Variants in RGS4 observed in about 807,000 individuals in gnomAD.
RGS4 encodes the protein schizophrenia disorder 9.
A neutral mutation model predicts 21.6 loss-of-function variants in RGS4; 15 were observed. That is an observed-to-expected ratio of 0.69 (90% CI 0.46 to 1.07). The LOEUF is 1.07. RGS4 is among the 50% of genes least tolerant of loss of function. The probability of loss-of-function intolerance (pLI) is 0.00; values close to 1 mark genes in which losing one functional copy is unlikely to be tolerated. For synonymous variants in RGS4, 94 were observed against 85.5 expected (o/e 1.10, Z -0.55); for missense variants, 237 against 239.0 (o/e 0.99, Z 0.06).
intron 2 of RGS4, 72 bp from the exon 3 acceptor site, chr1:163,072,733 G>T: frequency 7.6e-7 from 1 of 1,319,304 alleles, no homozygotes; most frequent in Non-Finnish European, 1.1e-6. Context: ...CTTCATTCAG[G>T]ATCTTAGATT....
intron 1 of RGS4, chr1:163,071,914 A>T (rs1655328853): frequency 1.1e-6 from 1 of 935,944 alleles, no homozygotes; most frequent in Non-Finnish European, 1.2e-6. Flanking sequence ...TACTTTCCCG[A>T]GGTGCTTCTA....
intron 3 of RGS4, 54 bp downstream of exon 3, chr1:163,072,920 A>G (rs991250820): frequency 2.7e-6 from 4 of 1,457,396 alleles, no homozygotes; most frequent in Non-Finnish European, 3.8e-6. Flanking sequence ...AAGTTATATT[A>G]TGCTGGTCTA....
intron 2 of RGS4, 63 bp from the exon 3 acceptor site, chr1:163,072,742 T>C (rs1473917789): frequency 6.3e-6 from 9 of 1,425,000 alleles, no homozygotes; most frequent in Non-Finnish European, 8.9e-6. Flanking sequence ...GGATCTTAGA[T>C]TTCTTGCCCC....
Position 163,073,638 on chromosome 1 carries a change from A to T in RGS4, c.378+16A>T, listed in dbSNP as rs1655400156. On this transcript the variant is annotated intron_variant, in intron 4 of 4. Coordinates refer to ENST00000367909, the MANE Select transcript of RGS4 (RefSeq NM_005613.6). The stretch of plus-strand genomic sequence containing the variant: ...AACCAAAGAGGTAGGTTTTTTATGG[A>T]TACATAAAAATTGTACGTATTTATG... 6.5e-7 allele frequency: 1 copy of T among 1,537,884 alleles called. No individual in the cohort carries two copies. Among genetic ancestry groups the T allele is most frequent in the Non-Finnish European group, 8.8e-7 (1 of 1,136,688 alleles).
At chr1:163,073,865 CTCTACCCAACTTTCTATCTATTCCT>C (rs1655410381) in intron 4 of RGS4, 1 of 419,550 alleles carries the variant, frequency 2.4e-6, no homozygotes. Context: ...AACCTATTCC[CTCTACCCAACTTTCTATCTATTCCT>C]TCTACCCATT....
upstream of RGS4, chr1:163,069,336 AAG>A (rs1426416659): frequency 6.4e-7 from 1 of 1,552,394 alleles, no homozygotes; most frequent in African/African-American, 1.4e-5. Flanking sequence ...TGGGCTATAA[AAG>A]AGACCCCTAC....
Position 163,074,665 on chromosome 1 carries a change from A to G in RGS4, c.*105A>G, listed in dbSNP as rs915798943. On this transcript the variant is annotated 3_prime_UTR_variant, in exon 5 of 5. Coordinates refer to ENST00000367909, the MANE Select transcript of RGS4 (RefSeq NM_005613.6). The stretch of plus-strand genomic sequence containing the variant: ...AGCTCCAGTGCTTTATCCACATTGT[A>G]GCCTAATATTCATGCTGCCTGCCAT... The G allele has an allele frequency of 6.0e-6, 9 of 1,504,360 alleles. No individual in the cohort carries two copies. The highest frequency in any genetic ancestry group is 1.7e-4 in the Middle Eastern group (1 of 5,892). 93.2% of individuals were successfully genotyped at this position (1,504,360 alleles called of 1,614,324 possible).
intron 1 of RGS4, among the ~76,000 whole-genome samples, chr1:163,070,894 C>G (rs1248094668): frequency 6.6e-6 from 1 of 152,120 alleles, no homozygotes; most frequent in South Asian, 2.1e-4. Flanking sequence ...GCCTGAGGCT[C>G]CAGAGGAGCC....
intron 4 of RGS4, 97 bp from the exon 5 acceptor site, chr1:163,074,224 G>A (rs1655420974): frequency 1.3e-6 from 2 of 1,501,568 alleles, no homozygotes; most frequent in Non-Finnish European, 1.8e-6. Flanking sequence ...CTGAAATACA[G>A]AGGGTGCACT....
upstream of RGS4, chr1:163,068,975 T>C (rs934992295): frequency 3.5e-5 from 56 of 1,607,504 alleles, no homozygotes; most frequent in Non-Finnish European, 4.6e-5. Flanking sequence ...AGGAAAGGCA[T>C]TGGGAGTCAG....
rs189174832 is a variant in RGS4, at chr1:163,074,790, G to C, written c.*230G>C. ...CAGTCCAATTTTCCTAAGTTTCTTT[G>C]AGGGTTCCATGGGAGCAAATATCTA... is the stretch of plus-strand genomic sequence containing the variant. On this transcript the variant is annotated 3_prime_UTR_variant, in exon 5 of 5. Transcript: ENST00000367909. The C allele has an allele frequency of 1.5e-6, 1 of 658,448 alleles. No homozygotes were observed. 40.8% of individuals were successfully genotyped at this position (658,448 alleles called of 1,614,324 possible). A position where few individuals can be genotyped will look rare whatever the true frequency, so the allele number is the denominator to read the frequency against.
At chr1:163,074,149 C>A (rs564919202) in intron 4 of RGS4, 172 bp from the exon 5 acceptor site, 11 of 741,500 alleles carry the variant, frequency 1.5e-5, no homozygotes, top group Non-Finnish European at 2.5e-5. Flanking sequence ...AAGGTTCATT[C>A]TGAACCTTTC....
intron 3 of RGS4, 133 bp from the exon 4 acceptor site, chr1:163,073,323 G>C: frequency 6.9e-6 from 5 of 723,546 alleles, no homozygotes; most frequent in Non-Finnish European, 1.1e-5. Context: ...CAGGTGACTT[G>C]AAAAAAGCAG....
chr1:163,072,498 A>G lies in RGS4; in HGVS notation c.148A>G (p.Arg50Gly). Residue 50 changes from arginine (R) to glycine (G), a missense_variant and splice_region_variant, in exon 2 of 5, where the codon AGA becomes GGA. Coordinates refer to ENST00000367909, the MANE Select transcript of RGS4 (RefSeq NM_005613.6). ...NKKDKVVICQ[R>G]VSQEEVKKWA... Reference sequence around the variant, plus strand: ...GAAGGACAAAGTGGTTATTTGCCAGAGGTAAGAGAAAAGGCCTTGGTGAAG... The same window carrying G: ...GAAGGACAAAGTGGTTATTTGCCAGGGGTAAGAGAAAAGGCCTTGGTGAAG... The G allele has an allele frequency of 6.2e-7, 1 of 1,600,690 alleles. No homozygotes were observed. The highest frequency in any genetic ancestry group is 1.3e-5 in the African/African-American group (1 of 74,740).
intron 4 of RGS4, chr1:163,074,010 A>G (rs1178144805): frequency 2.5e-6 from 1 of 402,294 alleles, no homozygotes; most frequent in Non-Finnish European, 4.4e-6. Flanking sequence ...ACCCCAAATA[A>G]ATCAGTTTTT....
At position 163,074,331 on chromosome 1, in the gene RGS4, A is replaced by G. The variant is rs1208399155; in HGVS notation, c.389A>G (p.Asp130Gly). ...GCCTTTGCCCCTCAGGTGAACCTGGATTCTTGCACCAGGGAAGAGACAAGC... is the reference window on the plus strand; with the variant it reads ...GCCTTTGCCCCTCAGGTGAACCTGGGTTCTTGCACCAGGGAAGAGACAAGC... The part of the protein sequence containing the change: ...SVQATKEVNL[D>G]SCTREETSRN... The change falls in exon 5 of 5, where the codon GAT (aspartate) becomes GGT (glycine). Residue 130 changes from aspartate to glycine, a missense_variant. Transcript: ENST00000367909. The G allele has an allele frequency of 1.1e-5, 17 of 1,613,670 alleles. No homozygotes were observed. The highest frequency in any genetic ancestry group is 1.4e-5 in the Non-Finnish European group (17 of 1,179,792).
intron 1 of RGS4, 86 bp from the exon 2 acceptor site, chr1:163,072,309 T>C: frequency 9.4e-7 from 1 of 1,069,268 alleles, no homozygotes; most frequent in Non-Finnish European, 1.4e-6. Context: ...CATAGACTAG[T>C]AATGGACTCT....
chr1:163,071,025 T>A (rs1655281628), intron 1 of RGS4, among the ~76,000 whole-genome samples: 2 of 152,176 alleles, frequency 1.3e-5, no homozygotes, highest in South Asian at 4.1e-4. Flanking sequence ...TAAGAATACT[T>A]GCTAAGCACA....
intron 2 of RGS4, 117 bp downstream of exon 2, chr1:163,072,616 C>G: frequency 5.6e-6 from 5 of 885,142 alleles, no homozygotes; most frequent in Non-Finnish European, 7.1e-6. Context: ...AGATAGCCTC[C>G]ATTTTCATGG....
Sources: allele counts gnomAD v4.1 joint callset (sites outside exome capture counted in the v4.1 genomes callset), GRCh38; gene constraint gnomAD v4.1.1; transcripts MANE v1.5; gene names NCBI Gene and HGNC (gene_info 2026-07-23, HGNC 2026-07-21).